Variants in OSR1 observed in about 807,000 individuals in gnomAD.
The protein encoded by OSR1 is odd-skipped related transcription factor 1, also known as protein odd-skipped-related 1.
Under a neutral mutation model 15.7 loss-of-function variants are expected in OSR1, and 3 were observed. The observed-to-expected ratio is 0.19, with a 90% CI of 0.09 to 0.50. OSR1 has a LOEUF of 0.50. Ranked by LOEUF, OSR1 falls within the 20% of genes least tolerant of loss-of-function variation. The pLI, the probability that OSR1 is intolerant of heterozygous loss-of-function variation, is 0.97. For synonymous variants in OSR1, 166 were observed against 152.7 expected (o/e 1.09, Z -0.64); for missense variants, 271 against 351.1 (o/e 0.77, Z 1.82).
chr2:19,349,852 C>T (rs1049592023), downstream of OSR1, among the ~76,000 whole-genome samples: 1 of 152,218 alleles, frequency 6.6e-6, no homozygotes, highest in African/African-American at 2.4e-5. Context: ...CCATGGCCCG[C>T]AGCCTCCTGG....
downstream of OSR1, among the ~76,000 whole-genome samples, chr2:19,350,075 G>C (rs45486694): frequency 6.6e-6 from 1 of 152,204 alleles, no homozygotes; most frequent in Admixed American, 6.5e-5. Flanking sequence ...CTTGTGAACT[G>C]CTTGGAAGAA....
chr2:19,353,009 T>A, intron 2 of OSR1, 132 bp downstream of exon 2: 2 of 1,175,674 alleles, frequency 1.7e-6, no homozygotes, highest in Non-Finnish European at 2.4e-6. Flanking sequence ...AGGCTTTCCT[T>A]CTTGATTTTA....
intron 1 of OSR1, chr2:19,356,094 C>T (rs941064892): frequency 6.6e-6 from 1 of 152,414 alleles, no homozygotes; most frequent in Non-Finnish European, 1.5e-5. Flanking sequence ...TTGGCCTATC[C>T]AAGGCCAAGC....
At chr2:19,348,354 C>T (rs1199695788), downstream of OSR1, 1 of 154,390 alleles carries the variant, frequency 6.5e-6, no homozygotes, top group Non-Finnish European at 1.5e-5. Context: ...ATATGTTAGC[C>T]CGAGGCGGGG....
the OSR1 span, among the ~76,000 whole-genome samples, chr2:19,346,477 CA>C: frequency 6.6e-6 from 1 of 152,160 alleles, no homozygotes; most frequent in Non-Finnish European, 1.5e-5. Flanking sequence ...TCAAAGAAAA[CA>C]AATGGGTCAG....
In OSR1 at chr2:19,353,395, C is replaced by G. The variant is rs758414003; in HGVS notation, c.411G>C (p.Gly137=). 1 of 1,614,100 alleles carries G rather than the reference C, an allele frequency of 6.2e-7. No individual in the cohort carries two copies. Among genetic ancestry groups the G allele is most frequent in the Non-Finnish European group, 8.5e-7 (1 of 1,179,992 alleles). The change falls in exon 2 of 3, where the codon GGG becomes GGC. Residue 137 remains glycine, a synonymous_variant. Coordinates refer to ENST00000272223, the MANE Select transcript of OSR1 (RefSeq NM_145260.3). ...TQEDPAKLGR[G]EGPGSPAGGL... Reference sequence around the variant, plus strand: ...CACCTGCAGGGGAGCCTGGGCCCTCCCCGCGACCGAGCTTGGCCGGATCTT... The same window carrying G: ...CACCTGCAGGGGAGCCTGGGCCCTCGCCGCGACCGAGCTTGGCCGGATCTT...
rs1006797366 is a variant in OSR1, at chr2:19,357,200, C to G, written c.-33+1141G>C. ...ATAAAACAGCAATTACCTCGAGGAG[C>G]CTGGGATGGAACATCTACACGCCGC... On this transcript the variant is annotated intron_variant, in intron 1 of 2. Coordinates refer to ENST00000272223, the MANE Select transcript of OSR1 (RefSeq NM_145260.3). The surrounding 1 kb of genome is among the most constrained non-coding windows in gnomAD (Gnocchi z 5.0). Among the ~76,000 whole-genome samples the G allele has an allele frequency of 6.6e-6, 1 of 152,116 alleles. No homozygotes were observed. The highest frequency in any genetic ancestry group is 2.4e-5 in the African/African-American group (1 of 41,400).
At chr2:19,348,554 A>G (rs1187193319), downstream of OSR1, 1 of 154,172 alleles carries the variant, frequency 6.5e-6, no homozygotes, top group Non-Finnish European at 1.5e-5. Flanking sequence ...CCAAGATTCT[A>G]GGGGATTTAG....
At chr2:19,346,957 C>T (rs150881748), downstream of OSR1, among the ~76,000 whole-genome samples, 1,676 of 152,288 alleles carry the variant, frequency 0.011, 15 homozygotes, top group South Asian at 0.016. Context: ...TGGTGAGTAG[C>T]GCTCTGACAT....
downstream of OSR1, among the ~76,000 whole-genome samples, chr2:19,349,292 G>A (rs996028921): frequency 1.3e-5 from 2 of 152,160 alleles, no homozygotes; most frequent in African/African-American, 4.8e-5. Context: ...GGCCCAGCCG[G>A]CCTTTCCACC....
intron 1 of OSR1, 58 bp from the exon 2 acceptor site, chr2:19,353,895 T>C: frequency 3.6e-5 from 47 of 1,291,416 alleles, no homozygotes; most frequent in Non-Finnish European, 4.4e-5. Context: ...TCAGGGTGGG[T>C]CGCCTTCCTC....
downstream of OSR1, chr2:19,346,648 A>G (rs548588400): frequency 6.5e-6 from 1 of 152,702 alleles, no homozygotes; most frequent in African/African-American, 2.4e-5. Context: ...ACACACCTGT[A>G]GCCTTGCTAC....
intron 1 of OSR1, 200 bp from the exon 2 acceptor site, chr2:19,354,037 G>C: frequency 1.8e-6 from 1 of 557,054 alleles, no homozygotes; most frequent in Non-Finnish European, 3.2e-6. Flanking sequence ...CCTCTTTTCA[G>C]AACCCTCCTT....
rs139101150 is a variant in OSR1, at chr2:19,353,599, G to T, written c.207C>A (p.Phe69Leu). ...YPAMHLPRSSFSKVPGTVSSL... is the reference protein window; with the variant it reads ...YPAMHLPRSSLSKVPGTVSSL... Reference sequence around the variant, plus strand: ...TGGACACCGTGCCCGGCACTTTGGAGAAAGAAGAGCGCGGCAAGTGCATGG... The same window carrying T: ...TGGACACCGTGCCCGGCACTTTGGATAAAGAAGAGCGCGGCAAGTGCATGG... The change falls in exon 2 of 3, where the codon TTC (phenylalanine) becomes TTA (leucine). Residue 69 changes from phenylalanine (F) to leucine (L), a missense_variant. Phe to Leu is a conservative substitution (Grantham distance 22, BLOSUM62 0). This residue lies in a region of OSR1 where 210 missense variants were observed against 218.4 expected (regional missense o/e 0.96). Coordinates refer to ENST00000272223, the MANE Select transcript of OSR1 (RefSeq NM_145260.3). The T allele has an allele frequency of 1.3e-5, 21 of 1,614,130 alleles. No homozygotes were observed. In the African/African-American group the frequency reaches 2.8e-4, roughly 22 times the overall value.
At chr2:19,355,228 C>T (rs1441478083) in intron 1 of OSR1, 4 of 152,362 alleles carry the variant, frequency 2.6e-5, no homozygotes, top group African/African-American at 9.6e-5. Context: ...TCCCTTCTCT[C>T]TTGCCTAGCT....
downstream of OSR1, among the ~76,000 whole-genome samples, chr2:19,347,616 C>G (rs1457630414): frequency 6.6e-6 from 1 of 152,222 alleles, no homozygotes; most frequent in African/African-American, 2.4e-5. Context: ...TAGAGACGGC[C>G]CAGGAAGTCG....
In OSR1 at chr2:19,357,194, G is replaced by A. The variant is rs550569210; in HGVS notation, c.-33+1147C>T. On this transcript the variant is annotated intron_variant, in intron 1 of 2. Transcript: ENST00000272223. This position sits in a 1 kb window ranked among gnomAD's most constrained non-coding sequence, Gnocchi z 5.0. ...ATCTTAATAAAACAGCAATTACCTCGAGGAGCCTGGGATGGAACATCTACA... is the reference window on the plus strand; with the variant it reads ...ATCTTAATAAAACAGCAATTACCTCAAGGAGCCTGGGATGGAACATCTACA... Among the ~76,000 whole-genome samples, 1 of 152,124 alleles carries A rather than the reference G, an allele frequency of 6.6e-6. No homozygotes were observed. The highest frequency in any genetic ancestry group is 2.4e-5 in the African/African-American group (1 of 41,494).
intron 1 of OSR1, chr2:19,356,055 C>T (rs1664942690): frequency 6.6e-6 from 1 of 152,584 alleles, no homozygotes; most frequent in African/African-American, 2.4e-5. Context: ...CTGGGCGCCG[C>T]GGAGGCCTCC....
chr2:19,346,429 G>A, the OSR1 span, among the ~76,000 whole-genome samples: 1 of 152,186 alleles, frequency 6.6e-6, no homozygotes, highest in Admixed American at 6.5e-5. Flanking sequence ...AACATTGTGT[G>A]GCCACTTTTT....
Sources: allele counts gnomAD v4.1 joint callset (sites outside exome capture counted in the v4.1 genomes callset), GRCh38; gene constraint gnomAD v4.1.1; regional missense constraint gnomAD v4.1.1; non-coding constraint Gnocchi (gnomAD v3.1); transcripts MANE v1.5; gene names NCBI Gene and HGNC (gene_info 2026-07-23, HGNC 2026-07-21).